Variants in C10orf90 observed in about 807,000 individuals in gnomAD.
The protein encoded by C10orf90 is chromosome 10 open reading frame 90, also known as (E2-independent) E3 ubiquitin-conjugating enzyme FATS.
A neutral mutation model predicts 62.5 loss-of-function variants in C10orf90; 56 were observed. The observed-to-expected ratio is 0.90, with a 90% CI of 0.72 to 1.12. The LOEUF is 1.12. Among genes scored for constraint, C10orf90 ranks in the 50% most tolerant of loss-of-function variants. C10orf90 has a pLI of 0.00. For missense variants in C10orf90, 970 were observed against 880.4 expected, an observed-to-expected ratio of 1.10 and a Z score of -1.29; for synonymous variants, 386 against 340.4, an observed-to-expected ratio of 1.13 and a Z score of -1.47.
At chr10:126,664,491 C>G (rs1013780410) in intron 1 of C10orf90, among the ~76,000 whole-genome samples, 1 of 152,170 alleles carries the variant, frequency 6.6e-6, no homozygotes, top group African/African-American at 2.4e-5. Flanking sequence ...GAAAACTAGG[C>G]TCAAAGAGAA....
At chr10:126,477,666 T>G (rs1659996751) in intron 4 of C10orf90, among the ~76,000 whole-genome samples, 1 of 152,220 alleles carries the variant, frequency 6.6e-6, no homozygotes, top group South Asian at 2.1e-4. Flanking sequence ...GTACAGTTTT[T>G]GCTCCATTTC....
intron 4 of C10orf90, among the ~76,000 whole-genome samples, chr10:126,489,866 G>A (rs1861624007): frequency 6.7e-6 from 1 of 148,744 alleles, no homozygotes; most frequent in Admixed American, 6.8e-5. Flanking sequence ...TAAACAAAAT[G>A]TGGTACATAC....
intron 3 of C10orf90, among the ~76,000 whole-genome samples, chr10:126,507,335 T>C (rs371372978): frequency 2.8e-4 from 34 of 122,906 alleles, no homozygotes; most frequent in African/African-American, 1.1e-3. Flanking sequence ...CCAGCCTGGG[T>C]GACAGAGCGA....
chr10:126,442,858 C>T (rs1461412583), intron 7 of C10orf90, among the ~76,000 whole-genome samples: 7 of 151,448 alleles, frequency 4.6e-5, no homozygotes, highest in Non-Finnish European at 1.0e-4. Flanking sequence ...CCGAAAGGAA[C>T]CTTTAAAACC....
intron 1 of C10orf90, among the ~76,000 whole-genome samples, chr10:126,668,896 A>G (rs1564917829): frequency 6.6e-6 from 1 of 152,192 alleles, no homozygotes; most frequent in Non-Finnish European, 1.5e-5. Flanking sequence ...TACTTTTTTC[A>G]TATTGTTTTA....
chr10:126,610,737 T>C (rs1845414645), intron 2 of C10orf90, among the ~76,000 whole-genome samples: 1 of 152,194 alleles, frequency 6.6e-6, no homozygotes, highest in Admixed American at 6.5e-5. Flanking sequence ...TTGCCTCCCT[T>C]AGTCATTATT....
chr10:126,583,561 G>A (rs1460007262), intron 2 of C10orf90, among the ~76,000 whole-genome samples: 1 of 151,958 alleles, frequency 6.6e-6, no homozygotes, highest in African/African-American at 2.4e-5. Flanking sequence ...TCATTTCTTG[G>A]CATTTTTCTG....
intron 2 of C10orf90, among the ~76,000 whole-genome samples, chr10:126,526,177 G>A (rs1454102253): frequency 2.6e-5 from 4 of 151,576 alleles, no homozygotes; most frequent in Non-Finnish European, 4.4e-5. Flanking sequence ...CTGACTTTTA[G>A]TTACATTCTC....
intron 7 of C10orf90, among the ~76,000 whole-genome samples, chr10:126,451,409 G>C (rs1251029024): frequency 6.6e-6 from 1 of 152,134 alleles, no homozygotes; most frequent in Non-Finnish European, 1.5e-5. Flanking sequence ...GAATAGCCAA[G>C]ATATGAAATC....
intron 4 of C10orf90, among the ~76,000 whole-genome samples, chr10:126,477,258 C>G (rs1860938039): frequency 6.8e-6 from 1 of 146,748 alleles, no homozygotes; most frequent in Admixed American, 6.8e-5. Context: ...CACAATTTTT[C>G]CCCAGACCTT....
chr10:126,638,435 A>T (rs983492913), intron 2 of C10orf90, among the ~76,000 whole-genome samples: 1 of 151,890 alleles, frequency 6.6e-6, no homozygotes. Flanking sequence ...CTTGCCTCTC[A>T]CCATGCCCCT....
chr10:126,486,589 A>T (rs1177410663), intron 4 of C10orf90, among the ~76,000 whole-genome samples: 5 of 152,206 alleles, frequency 3.3e-5, no homozygotes, highest in African/African-American at 1.2e-4. Context: ...ATATGTTTAA[A>T]GGCATAAAAT....
chr10:126,563,366 G>A (rs562322305), intron 2 of C10orf90, among the ~76,000 whole-genome samples: 79 of 152,284 alleles, frequency 5.2e-4, no homozygotes, highest in African/African-American at 1.9e-3. Context: ...GGCAGCCCAG[G>A]CCAAGCCCTG....
At chr10:126,640,709 C>T (rs1452322440) in intron 2 of C10orf90, among the ~76,000 whole-genome samples, 1 of 152,130 alleles carries the variant, frequency 6.6e-6, no homozygotes, top group Non-Finnish European at 1.5e-5. Flanking sequence ...GGTTTTCAGA[C>T]AGAAGAGTCT....
chr10:126,442,298 A>T (rs1858388498), intron 7 of C10orf90, among the ~76,000 whole-genome samples: 1 of 151,390 alleles, frequency 6.6e-6, no homozygotes, highest in African/African-American at 2.4e-5. Context: ...ACAGCAGTTA[A>T]AAAAGACAAA....
intron 2 of C10orf90, among the ~76,000 whole-genome samples, chr10:126,519,931 A>C (rs946455111): frequency 6.6e-6 from 1 of 152,148 alleles, no homozygotes; most frequent in Non-Finnish European, 1.5e-5. Flanking sequence ...GCTGCCTCCA[A>C]GTTGCCTCAA....
chr10:126,658,012 C>T (rs1846431527), intron 1 of C10orf90, among the ~76,000 whole-genome samples: 2 of 152,172 alleles, frequency 1.3e-5, no homozygotes, highest in Admixed American at 1.3e-4. Flanking sequence ...CTCACCACCC[C>T]ATTGACATAA....
At chr10:126,655,252 A>G (rs1051077272) in intron 1 of C10orf90, among the ~76,000 whole-genome samples, 5 of 152,152 alleles carry the variant, frequency 3.3e-5, no homozygotes, top group African/African-American at 1.2e-4. Flanking sequence ...CAGGAGGCGG[A>G]GGTGGCAGTG....
At chr10:126,665,209 C>A (rs1390194509) in intron 1 of C10orf90, among the ~76,000 whole-genome samples, 1 of 152,124 alleles carries the variant, frequency 6.6e-6, no homozygotes, top group South Asian at 2.1e-4. Context: ...GCAGTCAGAG[C>A]CATAAGCACA....
Sources: gnomAD v4.1 joint callset for allele counts (sites outside exome capture counted in the v4.1 genomes callset) on GRCh38, gnomAD v4.1.1 for gene constraint, MANE v1.5 for transcripts, NCBI Gene and HGNC (gene_info 2026-07-23, HGNC 2026-07-21) for gene names.